The following COL23A1 variants were observed in gnomAD, a reference collection of about 807,000 sequenced individuals.
COL23A1 encodes collagen type XXIII alpha 1 chain, also known as collagen alpha-1(XXIII) chain.
Under a neutral mutation model 99.3 loss-of-function variants are expected in COL23A1, and 97 were observed. The observed-to-expected ratio is 0.98, with a 90% CI of 0.83 to 1.16. The LOEUF (loss-of-function observed/expected upper bound fraction) is 1.16. Ranked by LOEUF, COL23A1 falls within the 50% of genes most tolerant of loss-of-function variation. The pLI is 0.00. For missense variants in COL23A1, 762 were observed against 757.4 expected (o/e 1.01, Z -0.07); for synonymous variants, 320 against 308.2 (o/e 1.04, Z -0.40).
At chr5:178,539,555 A>G (rs1381833692) in intron 2 of COL23A1, among the ~76,000 whole-genome samples, 1 of 150,386 alleles carries the variant, frequency 6.6e-6, no homozygotes, top group East Asian at 1.9e-4. Context: ...CAAAAAAAAA[A>G]AAAAAAAAAA....
chr5:178,586,080 C>G (rs1377816049), intron 1 of COL23A1, among the ~76,000 whole-genome samples: 1 of 152,220 alleles, frequency 6.6e-6, no homozygotes, highest in Non-Finnish European at 1.5e-5. Context: ...CAGCAGCCAC[C>G]TTGTGACCAT....
intron 2 of COL23A1, among the ~76,000 whole-genome samples, chr5:178,321,616 A>G (rs1759317784): frequency 6.7e-6 from 1 of 148,916 alleles, no homozygotes; most frequent in African/African-American, 2.5e-5. Context: ...CAGCCTCCCG[A>G]GTAGCTGGGA....
chr5:178,410,119 C>T (rs535343259), intron 2 of COL23A1, among the ~76,000 whole-genome samples: 18 of 152,160 alleles, frequency 1.2e-4, no homozygotes, highest in Non-Finnish European at 2.4e-4. Context: ...TTAGTTTCTA[C>T]ATTAGAAATG....
At chr5:178,536,396 C>G (rs1367864069) in intron 2 of COL23A1, among the ~76,000 whole-genome samples, 2 of 152,266 alleles carry the variant, frequency 1.3e-5, no homozygotes, top group Non-Finnish European at 2.9e-5. Context: ...AGCACAGTTC[C>G]TCGCTATGCT....
chr5:178,270,205 C>T (rs1257040062), intron 6 of COL23A1, 132 bp downstream of exon 6: 1 of 1,037,258 alleles, frequency 9.6e-7, no homozygotes, highest in African/African-American at 1.6e-5. Context: ...TCAAGTCTGA[C>T]ACCCAAAAGG....
intron 2 of COL23A1, among the ~76,000 whole-genome samples, chr5:178,493,317 C>T (rs568357152): frequency 1.1e-4 from 17 of 152,348 alleles, no homozygotes; most frequent in East Asian, 7.7e-4. Flanking sequence ...CCACGAGGCA[C>T]GGAGTTCACC....
rs1371564285 is a variant in COL23A1, at chr5:178,242,031, C to G, written c.1581+11G>C. On this transcript the variant is annotated intron_variant, in intron 27 of 28. Coordinates refer to ENST00000390654, the MANE Select transcript of COL23A1 (RefSeq NM_173465.4). ...AAAAGACCTGGGGCAGGGCCCTCCT[C>G]CGACACCTACCACGGGACACGGCTG... is the stretch of plus-strand genomic sequence containing the variant. The G allele has an allele frequency of 1.9e-6, 3 of 1,551,284 alleles. No individual in the cohort carries two copies. The highest frequency in any genetic ancestry group is 1.2e-5 in the South Asian group (1 of 84,064).
At chr5:178,495,402 A>G (rs578161905) in intron 2 of COL23A1, among the ~76,000 whole-genome samples, 59 of 152,358 alleles carry the variant, frequency 3.9e-4, no homozygotes, top group African/African-American at 1.3e-3. Context: ...CCCAGACCTG[A>G]GGCCAATCGT....
chr5:178,397,632 A>G (rs1203112711), intron 2 of COL23A1, among the ~76,000 whole-genome samples: 1 of 152,244 alleles, frequency 6.6e-6, no homozygotes, highest in African/African-American at 2.4e-5. Context: ...TGAGGAGGTT[A>G]TCTGTGCCTG....
intron 2 of COL23A1, among the ~76,000 whole-genome samples, chr5:178,491,365 G>GC (rs1757925935): frequency 6.6e-6 from 1 of 152,154 alleles, no homozygotes; most frequent in South Asian, 2.1e-4. Context: ...GAGAAGGACA[G>GC]CCCCTCCCAC....
At position 178,399,251 on chromosome 5, in the gene COL23A1, G is replaced by C. The variant is rs550292355; in HGVS notation, c.362-92332C>G. On this transcript the variant is annotated intron_variant, in intron 2 of 28. Coordinates refer to ENST00000390654, the MANE Select transcript of COL23A1 (RefSeq NM_173465.4). ...GCCCCTCCCTCCCTCACGTGCTGGG[G>C]AGCTGCAGCTGTGAGCAGCCAGCAC... is the stretch of plus-strand genomic sequence containing the variant. Among the ~76,000 whole-genome samples the C allele has an allele frequency of 3.9e-5, 6 of 152,340 alleles. No individual in the cohort carries two copies. In the East Asian group the frequency reaches 9.6e-4, roughly 24 times the overall value.
At chr5:178,260,404 T>C (rs1034558381) in intron 11 of COL23A1, among the ~76,000 whole-genome samples, 6 of 152,188 alleles carry the variant, frequency 3.9e-5, no homozygotes, top group African/African-American at 7.2e-5. Context: ...TCAATGTGTA[T>C]TACTAAGTGA....
intron 2 of COL23A1, among the ~76,000 whole-genome samples, chr5:178,506,222 C>A (rs991258818): frequency 3.3e-5 from 5 of 152,174 alleles, no homozygotes; most frequent in Admixed American, 6.5e-5. Context: ...GCAGTCAGGT[C>A]TCAGCCTGGA....
intron 22 of COL23A1, 152 bp downstream of exon 22, chr5:178,247,374 T>C (rs926485144): frequency 2.0e-5 from 16 of 793,430 alleles, no homozygotes; most frequent in Non-Finnish European, 3.1e-5. Flanking sequence ...GGGGAGGTTA[T>C]GCCCTGGGGA....
chr5:178,394,088 A>G (rs1764104439), intron 2 of COL23A1, among the ~76,000 whole-genome samples: 1 of 152,200 alleles, frequency 6.6e-6, no homozygotes, highest in Admixed American at 6.5e-5. Flanking sequence ...CTGGAGCGAA[A>G]GACCTGGGAG....
intron 2 of COL23A1, among the ~76,000 whole-genome samples, chr5:178,379,238 T>TA (rs555145800): frequency 2.8e-4 from 43 of 151,696 alleles, no homozygotes; most frequent in African/African-American, 9.4e-4. Context: ...AGTGATCAAC[T>TA]AAAAAAAACC....
At chr5:178,463,625 A>T (rs1044772271) in intron 2 of COL23A1, among the ~76,000 whole-genome samples, 5 of 152,200 alleles carry the variant, frequency 3.3e-5, no homozygotes, top group Non-Finnish European at 5.9e-5. Flanking sequence ...AGGGGAGAAG[A>T]AGTTGATGAA....
At chr5:178,553,485 G>C (rs1228181680) in intron 2 of COL23A1, among the ~76,000 whole-genome samples, 1 of 152,210 alleles carries the variant, frequency 6.6e-6, no homozygotes, top group Non-Finnish European at 1.5e-5. Context: ...ACCCGACATT[G>C]CAAGTACAGT....
At position 178,246,378 on chromosome 5, in the gene COL23A1, T is replaced by C. The variant is rs943885280; in HGVS notation, c.1359+13A>G. 16 of 1,574,642 alleles carry C rather than the reference T, an allele frequency of 1.0e-5. No individual in the cohort carries two copies. Among genetic ancestry groups the C allele is most frequent in the Admixed American group, 1.8e-5 (1 of 54,096 alleles). ...TTAACACCTTTGGGACAAACAACGC[T>C]TGTGAGACTCACAGGCAGGCCGCTG... On this transcript the variant is annotated intron_variant, in intron 23 of 28. Coordinates refer to ENST00000390654, the MANE Select transcript of COL23A1 (RefSeq NM_173465.4).
Sources: allele counts gnomAD v4.1 joint callset (sites outside exome capture counted in the v4.1 genomes callset), GRCh38; gene constraint gnomAD v4.1.1; transcripts MANE v1.5; gene names NCBI Gene and HGNC (gene_info 2026-07-23, HGNC 2026-07-21).